NCOA7: variants seen among roughly 807,000 people sequenced by gnomAD.
NCOA7 encodes 140 kDa estrogen receptor-associated protein.
NCOA7 carries 45 observed loss-of-function variants against 104.3 expected under a neutral mutation model. The observed-to-expected ratio is 0.43, with a 90% confidence interval of 0.34 to 0.55. NCOA7 has a LOEUF of 0.55. Ranked by LOEUF, NCOA7 falls within the 20% of genes least tolerant of loss-of-function variation. The pLI, the probability that NCOA7 is intolerant of heterozygous loss-of-function variation, is 0.02. For synonymous variants in NCOA7, 398 were observed against 402.3 expected, an observed-to-expected ratio of 0.99 and a Z score of 0.13; for missense variants, 1,041 against 1,119.7, an observed-to-expected ratio of 0.93 and a Z score of 1.00.
intron 3 of NCOA7, among the ~76,000 whole-genome samples, chr6:125,857,137 G>C (rs1781630139): frequency 1.3e-5 from 2 of 152,170 alleles, no homozygotes; most frequent in Non-Finnish European, 2.9e-5. Context: ...CCTGTTGAAA[G>C]ATACTTCTGT....
chr6:125,911,857 G>A (rs748821406), intron 10 of NCOA7, among the ~76,000 whole-genome samples: 9 of 152,092 alleles, frequency 5.9e-5, no homozygotes, highest in Admixed American at 2.0e-4. Flanking sequence ...CATCTTGAGG[G>A]CATCCACACG....
chr6:125,919,307 A>G (rs1562185017), intron 11 of NCOA7: 1 of 1,612,764 alleles, frequency 6.2e-7, no homozygotes, highest in Non-Finnish European at 8.5e-7. Context: ...CAGAGTAGAG[A>G]GAAAACTTGT....
At chr6:125,874,792 C>T in intron 3 of NCOA7, 97 bp from the exon 4 acceptor site, 1 of 826,156 alleles carries the variant, frequency 1.2e-6, no homozygotes, top group South Asian at 1.6e-5. Context: ...GTCTTTTTGT[C>T]AGTTGATTTG....
At chr6:125,927,877 G>A in intron 14 of NCOA7, 119 bp downstream of exon 14, 2 of 882,694 alleles carry the variant, frequency 2.3e-6, no homozygotes, top group Non-Finnish European at 3.7e-6. Context: ...CTCCGGGCTG[G>A]GTCAGCCCTT....
At chr6:125,849,038 A>T (rs905008015) in intron 2 of NCOA7, among the ~76,000 whole-genome samples, 1 of 152,218 alleles carries the variant, frequency 6.6e-6, no homozygotes, top group Admixed American at 6.5e-5. Flanking sequence ...CCATTAATTT[A>T]TTCAAGAAAT....
At chr6:125,782,058 C>A (rs1774251214) in intron 1 of NCOA7, among the ~76,000 whole-genome samples, 1 of 151,878 alleles carries the variant, frequency 6.6e-6, no homozygotes, top group Non-Finnish European at 1.5e-5. Context: ...TATGTTTAAG[C>A]CTTAGTATTT....
chr6:125,923,442 C>G (rs1787761807), intron 13 of NCOA7, among the ~76,000 whole-genome samples: 1 of 152,210 alleles, frequency 6.6e-6, no homozygotes, highest in African/African-American at 2.4e-5. Flanking sequence ...CCCCTTGTCC[C>G]TGCACTGTTA....
chr6:125,841,264 G>C (rs967671817), intron 2 of NCOA7, among the ~76,000 whole-genome samples: 8 of 152,038 alleles, frequency 5.3e-5, no homozygotes, highest in Non-Finnish European at 1.0e-4. Context: ...ATTCAGTACA[G>C]TAACATGCTG....
At chr6:125,925,925 C>G (rs1434503463) in intron 13 of NCOA7, among the ~76,000 whole-genome samples, 1 of 152,122 alleles carries the variant, frequency 6.6e-6, no homozygotes, top group African/African-American at 2.4e-5. Context: ...TTCTCATAAT[C>G]ACAATGCAAT....
chr6:125,843,635 CT>C (rs1780354784), intron 2 of NCOA7, among the ~76,000 whole-genome samples: 1 of 152,114 alleles, frequency 6.6e-6, no homozygotes. Context: ...AGTAAAATTC[CT>C]AATATTTAAA....
intron 2 of NCOA7, among the ~76,000 whole-genome samples, chr6:125,831,283 G>A (rs1261707626): frequency 6.6e-6 from 1 of 151,976 alleles, no homozygotes; most frequent in African/African-American, 2.4e-5. Context: ...GCCAAATCTA[G>A]CCCAACCAAA....
chr6:125,821,721 C>T (rs1778202714), intron 2 of NCOA7, among the ~76,000 whole-genome samples: 1 of 152,188 alleles, frequency 6.6e-6, no homozygotes. Context: ...AGCAGGCAGT[C>T]TGTAATACTT....
chr6:125,909,956 AGAAG>A (rs1174888337), intron 10 of NCOA7, among the ~76,000 whole-genome samples: 4 of 152,198 alleles, frequency 2.6e-5, no homozygotes, highest in South Asian at 4.1e-4. Context: ...AATCCTATCT[AGAAG>A]GAAGGAAGAC....
At chr6:125,784,453 T>C (rs1774367734) in intron 1 of NCOA7, among the ~76,000 whole-genome samples, 1 of 152,250 alleles carries the variant, frequency 6.6e-6, no homozygotes, top group East Asian at 1.9e-4. Context: ...TAAAATGGTA[T>C]AGCCACTCTA....
chr6:125,807,523 G>A (rs189720255), intron 1 of NCOA7, among the ~76,000 whole-genome samples: 3 of 152,250 alleles, frequency 2.0e-5, no homozygotes, highest in Non-Finnish European at 1.5e-5. Flanking sequence ...ATATTCACTT[G>A]CACTAACACT....
intron 1 of NCOA7, among the ~76,000 whole-genome samples, chr6:125,814,146 T>G (rs1777347763): frequency 6.6e-6 from 1 of 152,212 alleles, no homozygotes; most frequent in South Asian, 2.1e-4. Context: ...CTTTGCTTTA[T>G]TTATTTATAT....
Position 125,928,843 on chromosome 6 carries a change from A to T in NCOA7, c.*72A>T. ...CAGCCCTCCTAAAGCTGGCTGGAAAAAGAAGCCCCAGCCCAGCCTGCCTCA... is the reference window on the plus strand; with the variant it reads ...CAGCCCTCCTAAAGCTGGCTGGAAATAGAAGCCCCAGCCCAGCCTGCCTCA... On this transcript the variant is annotated 3_prime_UTR_variant, in exon 16 of 16. Coordinates refer to ENST00000392477, the MANE Select transcript of NCOA7 (RefSeq NM_181782.5). 6.6e-7 allele frequency: 1 copy of T among 1,522,610 alleles called. No individual in the cohort carries two copies. The highest frequency in any genetic ancestry group is 8.8e-7 in the Non-Finnish European group (1 of 1,133,984). 94.3% of individuals were successfully genotyped at this position (1,522,610 alleles called of 1,614,324 possible).
Position 125,842,409 on chromosome 6 carries a change from T to C in NCOA7, c.51-12611T>C, listed in dbSNP as rs567197927. Among the ~76,000 whole-genome samples the C allele has an allele frequency of 8.9e-4, 136 of 152,322 alleles. 1 individual carries two copies. Among genetic ancestry groups the C allele is most frequent in the African/African-American group, 3.2e-3 (132 of 41,588 alleles). ...TGCTGTTCTTCCAGAATTATGTCACTGCAATATATTGCTGTTGTAGCAAAA... is the reference window on the plus strand; with the variant it reads ...TGCTGTTCTTCCAGAATTATGTCACCGCAATATATTGCTGTTGTAGCAAAA... On this transcript the variant is annotated intron_variant, in intron 2 of 15. Transcript: ENST00000392477.
intron 1 of NCOA7, among the ~76,000 whole-genome samples, chr6:125,808,217 C>T (rs1168900945): frequency 1.3e-5 from 2 of 152,148 alleles, no homozygotes; most frequent in Non-Finnish European, 1.5e-5. Context: ...ATGAGCCTGA[C>T]CTCTTCTGCA....
Sources: allele counts gnomAD v4.1 joint callset (sites outside exome capture counted in the v4.1 genomes callset), GRCh38; gene constraint gnomAD v4.1.1; transcripts MANE v1.5; gene names NCBI Gene and HGNC (gene_info 2026-07-23, HGNC 2026-07-21).